The following AKTIP variants were observed in gnomAD, a reference collection of about 807,000 sequenced individuals.
The protein encoded by AKTIP is AKT-interacting protein.
A neutral mutation model predicts 39.1 loss-of-function variants in AKTIP; 16 were observed. The observed-to-expected ratio is 0.41, with a 90% CI of 0.28 to 0.62. AKTIP has a LOEUF of 0.62. AKTIP is among the 20% of genes least tolerant of loss of function. The pLI is 0.32. For missense variants in AKTIP, 262 were observed against 356.6 expected (o/e 0.73, Z 2.14); for synonymous variants, 93 against 124.3 (o/e 0.75, Z 1.67).
chr16:53,504,359 C>T (rs1772738845), upstream of AKTIP: 2 of 152,208 alleles, frequency 1.3e-5, no homozygotes, highest in African/African-American at 4.8e-5. Flanking sequence ...GTGTCTTACA[C>T]TCAGAAGCCG....
chr16:53,499,650 C>T (rs550012309), intron 2 of AKTIP, among the ~76,000 whole-genome samples: 11 of 151,718 alleles, frequency 7.3e-5, no homozygotes, highest in Non-Finnish European at 1.5e-4. Context: ...TTAGTAGAGA[C>T]GGGGTTTCAC....
upstream of AKTIP, among the ~76,000 whole-genome samples, chr16:53,503,982 G>A (rs1043120467): frequency 2.6e-5 from 4 of 152,246 alleles, no homozygotes; most frequent in African/African-American, 9.6e-5. Flanking sequence ...GGGCTGGGGG[G>A]AGGGGGGAGG....
chr16:53,499,957 A>G (rs1281985012), intron 2 of AKTIP, among the ~76,000 whole-genome samples: 1 of 152,220 alleles, frequency 6.6e-6, no homozygotes, highest in Non-Finnish European at 1.5e-5. Context: ...TACAAATTTC[A>G]TCATGTGTAA....
At chr16:53,492,885 GT>G in intron 8 of AKTIP, 132 bp from the exon 9 acceptor site, 1 of 724,206 alleles carries the variant, frequency 1.4e-6, no homozygotes, top group East Asian at 2.7e-5. Context: ...CGACATGTAT[GT>G]TTTAGACATT....
In AKTIP at chr16:53,494,342, A is replaced by C. The variant is rs778887599; in HGVS notation, c.599T>G (p.Val200Gly). 3.1e-6 allele frequency: 5 copies of C among 1,614,098 alleles called. No individual in the cohort carries two copies. The highest frequency in any genetic ancestry group is 3.4e-6 in the Non-Finnish European group (4 of 1,179,900). Residue 200 changes from valine to glycine, a missense_variant, in exon 7 of 10, where the codon GTA becomes GGA. Around this residue, in one of 4 missense-constraint regions of AKTIP, gnomAD observed 145 missense variants for 159.3 expected, o/e 0.91. Coordinates refer to ENST00000394657, the MANE Select transcript of AKTIP (RefSeq NM_022476.4). The part of the protein sequence containing the change: ...TASPLNPEAA[V>G]LYEKDIQLFK... ...TAACAAAGCAAAAGTTACATACAGT[A>C]CTGCAGCCTCTGGGTTCAGGGGGCT...
chr16:53,494,450 A>T lies in AKTIP; in HGVS notation c.504-13T>A. On this transcript the variant is annotated splice_polypyrimidine_tract_variant and intron_variant, in intron 6 of 9. Transcript: ENST00000394657. ...ATTATGGTTCCGCCTAAAGGGAAAC[A>T]TGGCGTGATTACCGAGGCGTCCTCT... The T allele has an allele frequency of 6.2e-7, 1 of 1,614,038 alleles. No homozygotes were observed.
Position 53,500,285 on chromosome 16 carries a change from CAGT to C in AKTIP, c.-29_-27del, listed in dbSNP as rs769148063. ...AACGTGTATTCCAAACAAAGAAAGTCAGTGGTGTATCATCCAAATCTTCTGTCT... is the reference window on the plus strand; with the variant it reads ...AACGTGTATTCCAAACAAAGAAAGTCGGTGTATCATCCAAATCTTCTGTCT... On this transcript the variant is annotated 5_prime_UTR_variant, in exon 2 of 10. The change abolishes the stop of an existing upstream ORF in the 5' untranslated region. Coordinates refer to ENST00000394657, the MANE Select transcript of AKTIP (RefSeq NM_022476.4). 1.9e-6 allele frequency: 3 copies of C among 1,610,374 alleles called. No homozygotes were observed. The highest frequency in any genetic ancestry group is 1.1e-5 in the South Asian group (1 of 90,306).
At chr16:53,496,559 G>A (rs1289771547) in intron 3 of AKTIP, among the ~76,000 whole-genome samples, 2 of 146,146 alleles carry the variant, frequency 1.4e-5, no homozygotes, top group African/African-American at 2.6e-5. Context: ...GGCTGTCTGC[G>A]ATGTCTCATG....
intron 9 of AKTIP, 62 bp from the exon 10 acceptor site, chr16:53,492,581 A>G (rs556094796): frequency 6.2e-7 from 1 of 1,604,008 alleles, no homozygotes; most frequent in Non-Finnish European, 8.5e-7. Flanking sequence ...TCAGCACTGT[A>G]CAAACTTGTT....
intron 5 of AKTIP, 87 bp downstream of exon 5, chr16:53,494,986 G>T: frequency 8.3e-7 from 1 of 1,208,104 alleles, no homozygotes; most frequent in Non-Finnish European, 1.2e-6. Flanking sequence ...AAAGGTACCA[G>T]GTCAGGAAAA....
intron 5 of AKTIP, 183 bp downstream of exon 5, chr16:53,494,889 AG>A (rs1406219705): frequency 1.3e-6 from 1 of 745,124 alleles, no homozygotes; most frequent in African/African-American, 1.7e-5. Context: ...GCAGACCCTG[AG>A]CAGAGAAACA....
At chr16:53,494,716 A>G (rs1961720419) in intron 5 of AKTIP, 111 bp from the exon 6 acceptor site, 1 of 1,047,922 alleles carries the variant, frequency 9.5e-7, no homozygotes, top group East Asian at 2.6e-5. Context: ...CGTTATTTAA[A>G]GCTAAAGAGC....
intron 1 of AKTIP, among the ~76,000 whole-genome samples, 162 bp from the exon 2 acceptor site, chr16:53,500,491 C>T (rs1282707613): frequency 6.6e-6 from 1 of 152,028 alleles, no homozygotes; most frequent in Non-Finnish European, 1.5e-5. Context: ...GATTCTCCTG[C>T]CTCAGCCTCC....
At chr16:53,496,017 G>A (rs1175958167) in intron 3 of AKTIP, among the ~76,000 whole-genome samples, 2 of 152,156 alleles carry the variant, frequency 1.3e-5, no homozygotes, top group Admixed American at 6.5e-5. Context: ...AACAAGAAAC[G>A]ATAAGTGTAT....
chr16:53,493,241 G>T (rs150648180), intron 8 of AKTIP: 2 of 158,044 alleles, frequency 1.3e-5, no homozygotes, highest in African/African-American at 4.8e-5. Flanking sequence ...TTGGCTCACT[G>T]CAACTTCTGC....
In AKTIP at chr16:53,500,077, G is replaced by A. The variant is rs74698263; in HGVS notation, c.42+141C>T. On this transcript the variant is annotated intron_variant, in intron 2 of 9. Coordinates refer to ENST00000394657, the MANE Select transcript of AKTIP (RefSeq NM_022476.4). ...CCAACAAAATAATTATTTCTCAAGA[G>A]TAAACCCTTAACTAGAAAAACCAGG... 3,831 of 571,326 alleles carry A rather than the reference G, an allele frequency of 6.7e-3. 127 individuals carry two copies. The African/African-American group carries it at 0.068, about 10-fold the overall frequency. 35.4% of individuals were successfully genotyped at this position (571,326 alleles called of 1,614,324 possible).
At chr16:53,502,754 A>C (rs1962248629) in intron 1 of AKTIP, 1 of 152,182 alleles carries the variant, frequency 6.6e-6, no homozygotes, top group South Asian at 2.1e-4. Context: ...AGCTAGCTCG[A>C]TGCTGGCCCG....
At chr16:53,493,646 A>G in intron 8 of AKTIP, 1 of 163,624 alleles carries the variant, frequency 6.1e-6, no homozygotes, top group Non-Finnish European at 1.3e-5. Context: ...CTGCCTTCCT[A>G]AGCACTACCA....
intron 3 of AKTIP, among the ~76,000 whole-genome samples, 163 bp from the exon 4 acceptor site, chr16:53,495,489 G>C (rs1022391267): frequency 6.6e-6 from 1 of 152,160 alleles, no homozygotes; most frequent in Non-Finnish European, 1.5e-5. Context: ...CACAACTCAG[G>C]AAAGAGCCCC....
Sources: allele counts gnomAD v4.1 joint callset (sites outside exome capture counted in the v4.1 genomes callset), GRCh38; gene constraint gnomAD v4.1.1; regional missense constraint gnomAD v4.1.1; transcripts MANE v1.5; gene names NCBI Gene and HGNC (gene_info 2026-07-23, HGNC 2026-07-21).